CNTN4: variants seen among roughly 807,000 people sequenced by gnomAD.
CNTN4 encodes contactin-4.
CNTN4 carries 77 observed loss-of-function variants against 122.5 expected under a neutral mutation model. The ratio of observed to expected loss-of-function variants is 0.63; its 90% CI spans 0.52 to 0.76. CNTN4 has a LOEUF of 0.76. CNTN4 is among the 30% of genes least tolerant of loss of function. The probability of loss-of-function intolerance (pLI) is 0.00; values close to 1 mark genes in which losing one functional copy is unlikely to be tolerated. For missense variants in CNTN4, 1,256 were observed against 1,259.1 expected, an observed-to-expected ratio of 1.00 and a Z score of 0.04; for synonymous variants, 512 against 447.0, an observed-to-expected ratio of 1.15 and a Z score of -1.83.
chr3:2,813,285 C>G (rs1235851033), intron 6 of CNTN4, among the ~76,000 whole-genome samples: 1 of 152,150 alleles, frequency 6.6e-6, no homozygotes, highest in Admixed American at 6.5e-5. Flanking sequence ...ATGTTCATCT[C>G]CTTACTGATT....
intron 4 of CNTN4, among the ~76,000 whole-genome samples, chr3:2,651,469 C>T (rs1471596902): frequency 2.6e-4 from 39 of 152,162 alleles, no homozygotes; most frequent in Admixed American, 2.6e-3. Flanking sequence ...ACCCTTTTCA[C>T]TTTTCTAGGA....
At chr3:2,550,540 G>A (rs2061404225) in intron 3 of CNTN4, among the ~76,000 whole-genome samples, 1 of 152,140 alleles carries the variant, frequency 6.6e-6, no homozygotes, top group Non-Finnish European at 1.5e-5. Context: ...AAGACAGTGT[G>A]GCGATTCCTC....
chr3:2,502,946 T>A (rs2076635579), intron 3 of CNTN4, among the ~76,000 whole-genome samples: 1 of 152,220 alleles, frequency 6.6e-6, no homozygotes, highest in African/African-American at 2.4e-5. Context: ...TACTGTTGTA[T>A]GTCCTTGTGA....
At chr3:3,036,317 T>C (rs576490230) in intron 17 of CNTN4, among the ~76,000 whole-genome samples, 14 of 152,330 alleles carry the variant, frequency 9.2e-5, no homozygotes, top group African/African-American at 3.4e-4. Flanking sequence ...TGTTTCCTTC[T>C]GTAATCACTG....
intron 6 of CNTN4, among the ~76,000 whole-genome samples, chr3:2,792,589 T>G (rs1479512732): frequency 6.6e-6 from 1 of 152,256 alleles, no homozygotes; most frequent in East Asian, 1.9e-4. Context: ...ACTCAGATTT[T>G]TGATAGCATT....
At chr3:2,476,893 A>G (rs2075850613) in intron 3 of CNTN4, among the ~76,000 whole-genome samples, 1 of 152,128 alleles carries the variant, frequency 6.6e-6, no homozygotes, top group Non-Finnish European at 1.5e-5. Flanking sequence ...TTTATTGTTC[A>G]TATAACTGAG....
chr3:2,284,976 GT>G (rs2041850421), intron 2 of CNTN4, among the ~76,000 whole-genome samples: 1 of 151,734 alleles, frequency 6.6e-6, no homozygotes, highest in African/African-American at 2.4e-5. Flanking sequence ...TAATAGGATA[GT>G]TTTTATTCTC....
At chr3:2,274,334 G>A (rs892686029) in intron 2 of CNTN4, among the ~76,000 whole-genome samples, 3 of 152,124 alleles carry the variant, frequency 2.0e-5, no homozygotes, top group African/African-American at 7.2e-5. Context: ...AGGGAGCCAA[G>A]ATTGCACCAC....
intron 3 of CNTN4, among the ~76,000 whole-genome samples, chr3:2,393,827 A>T (rs2046533412): frequency 6.6e-6 from 1 of 151,938 alleles, no homozygotes; most frequent in African/African-American, 2.4e-5. Flanking sequence ...AACTGAGATA[A>T]CCTTTAGACA....
chr3:2,813,413 T>TC (rs1332032640), intron 6 of CNTN4, among the ~76,000 whole-genome samples: 1 of 152,180 alleles, frequency 6.6e-6, no homozygotes, highest in African/African-American at 2.4e-5. Context: ...AAAAGTGAAT[T>TC]GGTATTTTTT....
chr3:2,837,805 C>G (rs1399237271), intron 7 of CNTN4, among the ~76,000 whole-genome samples: 1 of 152,176 alleles, frequency 6.6e-6, no homozygotes, highest in Non-Finnish European at 1.5e-5. Context: ...GGTCCGCAGC[C>G]TGCAAGTGGC....
At chr3:2,627,231 T>G (rs542975535) in intron 4 of CNTN4, among the ~76,000 whole-genome samples, 3 of 152,304 alleles carry the variant, frequency 2.0e-5, no homozygotes, top group Admixed American at 6.5e-5. Flanking sequence ...CATGTACAAC[T>G]CATTTTACAA....
At chr3:2,448,854 T>G (rs1242918559) in intron 3 of CNTN4, among the ~76,000 whole-genome samples, 1 of 152,124 alleles carries the variant, frequency 6.6e-6, no homozygotes, top group Non-Finnish European at 1.5e-5. Flanking sequence ...TAAAAATGTA[T>G]AGGAAAGCAT....
chr3:2,395,611 C>T (rs1216543195), intron 3 of CNTN4, among the ~76,000 whole-genome samples: 25 of 152,094 alleles, frequency 1.6e-4, no homozygotes, highest in Admixed American at 1.6e-3. Flanking sequence ...TTCCTCTCCT[C>T]TCTAGTAGTT....
chr3:2,133,815 C>G (rs1018067691), intron 2 of CNTN4, among the ~76,000 whole-genome samples: 1 of 152,068 alleles, frequency 6.6e-6, no homozygotes, highest in Non-Finnish European at 1.5e-5. Flanking sequence ...TTTCCTTTTT[C>G]TAATTTATCA....
At chr3:2,236,482 C>G (rs2039686575) in intron 2 of CNTN4, among the ~76,000 whole-genome samples, 1 of 152,322 alleles carries the variant, frequency 6.6e-6, no homozygotes, top group Admixed American at 6.5e-5. Flanking sequence ...TTTATTCACA[C>G]CTGCTGTGTT....
At chr3:2,888,949 C>T (rs1388227945) in intron 10 of CNTN4, among the ~76,000 whole-genome samples, 2 of 151,882 alleles carry the variant, frequency 1.3e-5, no homozygotes, top group Non-Finnish European at 2.9e-5. Flanking sequence ...GGCTACGCTT[C>T]CTAGCCTGTC....
intron 4 of CNTN4, among the ~76,000 whole-genome samples, chr3:2,669,586 A>G (rs1183958216): frequency 1.3e-5 from 2 of 151,740 alleles, no homozygotes; most frequent in Non-Finnish European, 2.9e-5. Context: ...TTGTGTCTCT[A>G]TCTCCTTCAG....
chr3:2,290,536 G>A (rs1424503802), intron 2 of CNTN4, among the ~76,000 whole-genome samples: 1 of 152,150 alleles, frequency 6.6e-6, no homozygotes, highest in African/African-American at 2.4e-5. Flanking sequence ...AAGACGATAC[G>A]TGAGACCTAA....
Sources: allele counts gnomAD v4.1 joint callset (sites outside exome capture counted in the v4.1 genomes callset), GRCh38; gene constraint gnomAD v4.1.1; transcripts MANE v1.5; gene names NCBI Gene and HGNC (gene_info 2026-07-23, HGNC 2026-07-21).